The following PRMT1 variants were observed in gnomAD, a reference collection of about 807,000 sequenced individuals.
PRMT1 encodes protein arginine methyltransferase 1.
A neutral mutation model predicts 47.4 loss-of-function variants in PRMT1; 5 were observed. That is an observed-to-expected ratio of 0.11 (90% CI 0.06 to 0.22). The LOEUF (loss-of-function observed/expected upper bound fraction) is 0.22, where lower values mean the gene tolerates loss of function less well. Among genes scored for constraint, PRMT1 ranks in the 10% least tolerant of loss-of-function variants. PRMT1 has a pLI of 1.00. For synonymous variants in PRMT1, 227 were observed against 204.6 expected, an observed-to-expected ratio of 1.11 and a Z score of -0.94; for missense variants, 249 against 518.4, an observed-to-expected ratio of 0.48 and a Z score of 5.05.
At position 49,685,087 on chromosome 19, in the gene PRMT1, G is replaced by A; in HGVS notation, c.759+50G>A. 2.5e-6 allele frequency: 4 copies of A among 1,612,798 alleles called. No homozygotes were observed. Among genetic ancestry groups the A allele is most frequent in the African/African-American group, 1.3e-5 (1 of 75,048 alleles). On this transcript the variant is annotated intron_variant, in intron 8 of 10. Transcript: ENST00000454376. This position sits in a 1 kb window ranked among gnomAD's most constrained non-coding sequence, Gnocchi z 4.7. Reference sequence around the variant, plus strand: ...GCCCCCTGGGTTGAAACCAAAGAGAGGCCATCACCTGGCCCTGGCATGGGA... The same window carrying A: ...GCCCCCTGGGTTGAAACCAAAGAGAAGCCATCACCTGGCCCTGGCATGGGA...
chr19:49,686,163 G>A lies in PRMT1; in HGVS notation c.830G>A (p.Arg277Gln). 6.2e-7 allele frequency: 1 copy of A among 1,614,110 alleles called. No individual in the cohort carries two copies. Among genetic ancestry groups the A allele is most frequent in the Non-Finnish European group, 8.5e-7 (1 of 1,179,990 alleles). Reference sequence around the variant, plus strand: ...TCCCCGTTCTGCCTGCAAGTGAAGCGGAATGACTACGTGCACGCCCTGGTG... The same window carrying A: ...TCCCCGTTCTGCCTGCAAGTGAAGCAGAATGACTACGTGCACGCCCTGGTG... Reference protein sequence around the residue: ...FTSPFCLQVKRNDYVHALVAY... With the variant: ...FTSPFCLQVKQNDYVHALVAY... Residue 277 changes from arginine (R) to glutamine (Q), a missense_variant, in exon 9 of 11, where the codon CGG (arginine) becomes CAG (glutamine). By Grantham distance (43) the Arg-to-Gln change is conservative. Transcript: ENST00000454376.
At position 49,680,761 on chromosome 19, in the gene PRMT1, C is replaced by G. The variant is rs532497708; in HGVS notation, c.192+173C>G. Among the ~76,000 whole-genome samples the G allele has an allele frequency of 5.3e-5, 8 of 152,360 alleles. No individual in the cohort carries two copies. The East Asian group carries it at 1.5e-3, about 29-fold the overall frequency. Reference sequence around the variant, plus strand: ...CTCGCCAAGCCGTTGCCTTGGAGACCGAGGTTAGCCTGAATCTCTGCAGGG... The same window carrying G: ...CTCGCCAAGCCGTTGCCTTGGAGACGGAGGTTAGCCTGAATCTCTGCAGGG... On this transcript the variant is annotated intron_variant, in intron 3 of 10. Transcript: ENST00000454376. This position sits in a 1 kb window ranked among gnomAD's most constrained non-coding sequence, Gnocchi z 4.2.
chr19:49,688,410 T>C lies in PRMT1; in HGVS notation c.*165T>C. 2 of 654,056 alleles carry C rather than the reference T, an allele frequency of 3.1e-6. No individual in the cohort carries two copies. The highest frequency in any genetic ancestry group is 1.8e-5 in the South Asian group (1 of 55,416). The allele number at this position is 654,056 out of a possible 1,614,324, so 40.5% of individuals were successfully genotyped here. A position where few individuals can be genotyped will look rare whatever the true frequency, so the allele number is the denominator to read the frequency against. The stretch of plus-strand genomic sequence containing the variant: ...CTGTGTTTTTCATAACTTATGTTTT[T>C]ATATGGTTGCATTTACGCCAATAAA... On this transcript the variant is annotated 3_prime_UTR_variant, in exon 11 of 11. Transcript: ENST00000454376. This position sits in a 1 kb window ranked among gnomAD's most constrained non-coding sequence, Gnocchi z 5.3.
rs774108689 is a variant in PRMT1, at chr19:49,684,992, T to C, written c.714T>C (p.Asp238=). Residue 238 remains aspartate, a synonymous_variant, in exon 8 of 11, where the codon GAT becomes GAC. Coordinates refer to ENST00000454376, the MANE Select transcript of PRMT1 (RefSeq NM_001536.6). This position sits in a 1 kb window ranked among gnomAD's most constrained non-coding sequence, Gnocchi z 6.2. ...TGGCCATTAAGGAGCCCCTAGTGGA[T>C]GTCGTGGACCCCAAACAGCTGGTCA... ...KDVAIKEPLV[D]VVDPKQLVTN... is the part of the protein sequence containing the mutation. The C allele has an allele frequency of 5.0e-6, 8 of 1,611,816 alleles. No individual in the cohort carries two copies. The highest frequency in any genetic ancestry group is 5.1e-6 in the Non-Finnish European group (6 of 1,178,532).
upstream of PRMT1, among the ~76,000 whole-genome samples, chr19:49,676,594 T>G (rs1022767742): frequency 5.9e-5 from 9 of 152,204 alleles, no homozygotes; most frequent in Admixed American, 4.6e-4. Context: ...GGACCCCAGC[T>G]ATGCCCTTCC....
Position 49,688,084 on chromosome 19 carries a change from T to C in PRMT1, c.1033-78T>C. 7.9e-7 allele frequency: 1 copy of C among 1,267,320 alleles called. No individual in the cohort carries two copies. 78.5% of individuals were successfully genotyped at this position (1,267,320 alleles called of 1,614,324 possible). On this transcript the variant is annotated intron_variant, in intron 10 of 10. Coordinates refer to ENST00000454376, the MANE Select transcript of PRMT1 (RefSeq NM_001536.6). This position sits in a 1 kb window ranked among gnomAD's most constrained non-coding sequence, Gnocchi z 5.3. ...CAGGAAGCTGGAGCCCGGCTCATCG[T>C]CGCATAGCCTGCCTGCACCCGCCCC...
intron 10 of PRMT1, 64 bp downstream of exon 10, chr19:49,686,790 G>A (rs1464341223): frequency 1.9e-6 from 1 of 520,766 alleles, no homozygotes; most frequent in Non-Finnish European, 3.1e-6. Flanking sequence ...ATTGGGGGGG[G>A]AGTGGTGGGG....
intron 5 of PRMT1, among the ~76,000 whole-genome samples, chr19:49,682,621 G>A (rs2082135466): frequency 6.6e-6 from 1 of 152,016 alleles, no homozygotes; most frequent in South Asian, 2.1e-4. Context: ...ATACGTAAAT[G>A]CATTTACATT....
intron 5 of PRMT1, 111 bp from the exon 6 acceptor site, chr19:49,683,816 T>C: frequency 8.2e-7 from 1 of 1,214,028 alleles, no homozygotes; most frequent in Non-Finnish European, 1.2e-6. Context: ...TGGCTTCTGC[T>C]CACGCAGTTC....
chr19:49,684,629 G>T lies in PRMT1; in HGVS notation c.556-125G>T. On this transcript the variant is annotated intron_variant, in intron 6 of 10. Coordinates refer to ENST00000454376, the MANE Select transcript of PRMT1 (RefSeq NM_001536.6). This position sits in a 1 kb window ranked among gnomAD's most constrained non-coding sequence, Gnocchi z 6.2. ...CCGTGTGGGAAATAGACCAGGGGGCGAGGGGTGAGTGCCGCTGCGACATGA... is the reference window on the plus strand; with the variant it reads ...CCGTGTGGGAAATAGACCAGGGGGCTAGGGGTGAGTGCCGCTGCGACATGA... 8.9e-7 allele frequency: 1 copy of T among 1,119,616 alleles called. No individual in the cohort carries two copies. The highest frequency in any genetic ancestry group is 1.3e-6 in the Non-Finnish European group (1 of 777,924). 69.4% of individuals were successfully genotyped at this position (1,119,616 alleles called of 1,614,324 possible). A position where few individuals can be genotyped will look rare whatever the true frequency, so the allele number is the denominator to read the frequency against.
intron 5 of PRMT1, among the ~76,000 whole-genome samples, chr19:49,682,764 A>G (rs1365720334): frequency 6.8e-6 from 1 of 146,924 alleles, no homozygotes; most frequent in Non-Finnish European, 1.5e-5. Flanking sequence ...CCACCATCAT[A>G]GGTACATCCC....
chr19:49,679,512 C>G (rs2082083683), intron 1 of PRMT1: 3 of 551,472 alleles, frequency 5.4e-6, no homozygotes. Flanking sequence ...GAAGTGTCAC[C>G]TAATCTGGAG....
chr19:49,683,424 C>T (rs1479717023), intron 5 of PRMT1, among the ~76,000 whole-genome samples: 5 of 151,946 alleles, frequency 3.3e-5, no homozygotes, highest in East Asian at 1.9e-4. Context: ...CACAGTGGCT[C>T]ACGCCTGTAA....
chr19:49,684,079 C>T lies in PRMT1; in HGVS notation c.555+10C>T, dbSNP rs1251586517. 1 of 1,613,968 alleles carries T rather than the reference C, an allele frequency of 6.2e-7. No homozygotes were observed. On this transcript the variant is annotated intron_variant, in intron 6 of 10. Transcript: ENST00000454376. This position sits in a 1 kb window ranked among gnomAD's most constrained non-coding sequence, Gnocchi z 6.2. The stretch of plus-strand genomic sequence containing the variant: ...CCGGGACAAGTGGCTGGTGAGGCCC[C>T]AGCGGGACGGGTGCAGCTCGCGTGG...
intron 10 of PRMT1, 67 bp downstream of exon 10, chr19:49,686,793 TGGTGGGGGAGGA>T (rs2082213571): frequency 2.0e-5 from 1 of 49,428 alleles, no homozygotes. Context: ...GGGGGGGGAG[TGGTGGGGGAGGA>T]ATGGTGGCAG....
chr19:49,679,814 C>T, intron 1 of PRMT1, 58 bp from the exon 2 acceptor site: 3 of 1,436,996 alleles, frequency 2.1e-6, no homozygotes, highest in Non-Finnish European at 2.9e-6. Context: ...TTCCGCCACC[C>T]AGCCCTCCCA....
At position 49,688,106 on chromosome 19, in the gene PRMT1, C is replaced by CCCT. The variant is rs932095618; in HGVS notation, c.1033-54_1033-53insTCC. On this transcript the variant is annotated intron_variant, in intron 10 of 10. Transcript: ENST00000454376. The surrounding 1 kb of genome is among the most constrained non-coding windows in gnomAD (Gnocchi z 5.3). ...TCGTCGCATAGCCTGCCTGCACCCG[C>CCCT]CCCCCGCCACCACCTCCTGGTGGGT... 1 of 1,486,312 alleles carries CCCT rather than the reference C, an allele frequency of 6.7e-7. No individual in the cohort carries two copies. Among genetic ancestry groups the CCCT allele is most frequent in the African/African-American group, 1.4e-5 (1 of 69,472 alleles). 92.1% of individuals were successfully genotyped at this position (1,486,312 alleles called of 1,614,324 possible). A position where few individuals can be genotyped will look rare whatever the true frequency, so the allele number is the denominator to read the frequency against.
In PRMT1 at chr19:49,685,876, G is replaced by C. The variant is rs2082197203; in HGVS notation, c.760-217G>C. 1.4e-6 allele frequency: 2 copies of C among 1,396,578 alleles called. No individual in the cohort carries two copies. Among genetic ancestry groups the C allele is most frequent in the Non-Finnish European group, 1.9e-6 (2 of 1,077,344 alleles). 86.5% of individuals were successfully genotyped at this position (1,396,578 alleles called of 1,614,324 possible). Reference sequence around the variant, plus strand: ...ACTGCCAGGTTTGGGTGTTGGAGAGGAGGGAGCAAGGAATCTGGGCTCGAA... The same window carrying C: ...ACTGCCAGGTTTGGGTGTTGGAGAGCAGGGAGCAAGGAATCTGGGCTCGAA... On this transcript the variant is annotated intron_variant, in intron 8 of 10. Coordinates refer to ENST00000454376, the MANE Select transcript of PRMT1 (RefSeq NM_001536.6). This position sits in a 1 kb window ranked among gnomAD's most constrained non-coding sequence, Gnocchi z 4.7.
intron 2 of PRMT1, 69 bp downstream of exon 2, chr19:49,679,994 G>A: frequency 1.4e-6 from 2 of 1,470,800 alleles, no homozygotes; most frequent in Non-Finnish European, 1.9e-6. Context: ...CACACATCTG[G>A]CCCTTTCTTG....
Sources: gnomAD v4.1 joint callset for allele counts (sites outside exome capture counted in the v4.1 genomes callset) on GRCh38, gnomAD v4.1.1 for gene constraint, Gnocchi (gnomAD v3.1) non-coding constraint, MANE v1.5 for transcripts, NCBI Gene and HGNC (gene_info 2026-07-23, HGNC 2026-07-21) for gene names.